CFAP91: variants seen among roughly 807,000 people sequenced by gnomAD.
The protein encoded by CFAP91 is cilia and flagella associated protein 91, also known as cilia- and flagella-associated protein 91.
CFAP91 carries 85 observed loss-of-function variants against 95.9 expected under a neutral mutation model. The ratio of observed to expected loss-of-function variants is 0.89; its 90% CI spans 0.74 to 1.06. The LOEUF (loss-of-function observed/expected upper bound fraction) is 1.06, where lower values mean the gene tolerates loss of function less well. Among genes scored for constraint, CFAP91 ranks in the 50% least tolerant of loss-of-function variants. The probability of loss-of-function intolerance (pLI) is 0.00; values close to 1 mark genes in which losing one functional copy is unlikely to be tolerated. For missense variants in CFAP91, 962 were observed against 943.4 expected (o/e 1.02, Z -0.26); for synonymous variants, 335 against 327.5 (o/e 1.02, Z -0.25).
intron 10 of CFAP91, among the ~76,000 whole-genome samples, chr3:119,735,273 A>G (rs1337896022): frequency 2.0e-5 from 3 of 152,118 alleles, no homozygotes; most frequent in South Asian, 4.2e-4. Context: ...TATTTATTCT[A>G]TATTTCTTTC....
chr3:119,734,365 C>G (rs917848969), intron 10 of CFAP91, among the ~76,000 whole-genome samples: 4 of 152,082 alleles, frequency 2.6e-5, no homozygotes, highest in Non-Finnish European at 5.9e-5. Flanking sequence ...CCCACCTCAT[C>G]CCCACGCCCC....
At chr3:119,760,547 A>G (rs1221482702) in intron 17 of CFAP91, among the ~76,000 whole-genome samples, 2 of 151,866 alleles carry the variant, frequency 1.3e-5, no homozygotes, top group Non-Finnish European at 3.0e-5. Context: ...CCTAACAGAC[A>G]TATATAGAAT....
chr3:119,740,855 G>GTA (rs1182977401), intron 13 of CFAP91, 160 bp downstream of exon 13: 1 of 730,676 alleles, frequency 1.4e-6, no homozygotes, highest in African/African-American at 1.8e-5. Flanking sequence ...GTGTGTGTGT[G>GTA]TGTGTGTGTG....
chr3:119,739,140 A>G, intron 11 of CFAP91, 115 bp from the exon 12 acceptor site: 2 of 794,078 alleles, frequency 2.5e-6, no homozygotes, highest in Non-Finnish European at 4.4e-6. Context: ...TTTCTCTTTA[A>G]ATCTTTTTGG....
In CFAP91 at chr3:119,708,618, A is replaced by G. The variant is rs2053418127; in HGVS notation, c.387A>G (p.Lys129=). The G allele has an allele frequency of 1.2e-6, 2 of 1,607,372 alleles. No homozygotes were observed. The highest frequency in any genetic ancestry group is 2.7e-5 in the African/African-American group (2 of 74,610). ...CTGACGCTTCTTTTCAGATGCCTAA[A>G]GAAGTTTATGAAGATCCTGAAGTTA... is the stretch of plus-strand genomic sequence containing the variant. The part of the protein sequence containing the change: ...TTTDASFQMP[K]EVYEDPEVTG... Residue 129 remains lysine, a synonymous_variant, in exon 4 of 18, where the codon AAA becomes AAG. Transcript: ENST00000273390.
intron 17 of CFAP91, among the ~76,000 whole-genome samples, chr3:119,755,613 C>A (rs2054412431): frequency 2.0e-5 from 3 of 152,162 alleles, no homozygotes; most frequent in African/African-American, 7.2e-5. Context: ...CATGCTGTCA[C>A]CTTGATCTTG....
At chr3:119,726,103 T>G in intron 6 of CFAP91, 68 bp from the exon 7 acceptor site, 1 of 1,340,184 alleles carries the variant, frequency 7.5e-7, no homozygotes, top group Non-Finnish European at 1.0e-6. Context: ...TGACAGGGAG[T>G]TAATTATATA....
chr3:119,726,047 A>G (rs1484452567), intron 6 of CFAP91, 124 bp from the exon 7 acceptor site: 13 of 716,684 alleles, frequency 1.8e-5, no homozygotes, highest in Non-Finnish European at 2.2e-5. Flanking sequence ...CCCTAATGTC[A>G]TGTTATGCTG....
At chr3:119,710,823 G>A (rs1004526243) in intron 5 of CFAP91, among the ~76,000 whole-genome samples, 2 of 152,190 alleles carry the variant, frequency 1.3e-5, no homozygotes, top group African/African-American at 4.8e-5. Context: ...CAAGGTAAGA[G>A]GGAGGTAAGG....
Position 119,739,280 on chromosome 3 carries a change from T to C in CFAP91, c.1487T>C (p.Val496Ala), listed in dbSNP as rs1231249642. 3 of 1,614,172 alleles carry C rather than the reference T, an allele frequency of 1.9e-6. No individual in the cohort carries two copies. The highest frequency in any genetic ancestry group is 3.3e-5 in the Admixed American group (2 of 60,026). ...GAAGAAGAAGAAATGGAAATGGCTG[T>C]GATCTACCTTCAAAAGTTACTCCGG... ...SNEEEEMEMA[V>A]IYLQKLLRGR... The change falls in exon 12 of 18, where the codon GTG becomes GCG. Residue 496 changes from valine (V) to alanine (A), a missense_variant. Physicochemically the swap from Val to Ala is moderately conservative, Grantham distance 64 (BLOSUM62 0). Coordinates refer to ENST00000273390, the MANE Select transcript of CFAP91 (RefSeq NM_033364.4).
intron 17 of CFAP91, 64 bp downstream of exon 17, chr3:119,751,162 T>C: frequency 6.6e-7 from 1 of 1,513,744 alleles, no homozygotes; most frequent in Non-Finnish European, 8.9e-7. Context: ...TTGTTCAGCT[T>C]TGTGCTGTGC....
At position 119,730,363 on chromosome 3, in the gene CFAP91, G is replaced by T; in HGVS notation, c.1004G>T (p.Arg335Leu). 1 of 1,613,920 alleles carries T rather than the reference G, an allele frequency of 6.2e-7. No homozygotes were observed. Among genetic ancestry groups the T allele is most frequent in the South Asian group, 1.1e-5 (1 of 91,054 alleles). Residue 335 changes from arginine (R) to leucine (L), a missense_variant, in exon 8 of 18, where the codon CGC (arginine) becomes CTC (leucine). Coordinates refer to ENST00000273390, the MANE Select transcript of CFAP91 (RefSeq NM_033364.4). The stretch of plus-strand genomic sequence containing the variant: ...GAGGCAAAAATGGCAAAAATTCAGC[G>T]CACGCATGTATCAAGTAATGGTGTA... The part of the protein sequence containing the change: ...GKEAKMAKIQ[R>L]THVSTIRKLV...
intron 2 of CFAP91, chr3:119,707,122 T>G: frequency 1.8e-6 from 1 of 549,952 alleles, no homozygotes; most frequent in Non-Finnish European, 3.2e-6. Context: ...TGGGATAAAT[T>G]TAATAATATA....
chr3:119,738,829 T>C (rs888581052), intron 11 of CFAP91, among the ~76,000 whole-genome samples: 3 of 152,254 alleles, frequency 2.0e-5, no homozygotes, highest in African/African-American at 4.8e-5. Flanking sequence ...TTTATCAGCA[T>C]AGCTAAATTC....
intron 17 of CFAP91, among the ~76,000 whole-genome samples, chr3:119,754,989 C>T (rs76406849): frequency 0.23 from 34,621 of 152,152 alleles, 4,619 homozygotes; most frequent in Non-Finnish European, 0.3. Flanking sequence ...ATCCATCACC[C>T]ATTTTTTTCT....
intron 5 of CFAP91, among the ~76,000 whole-genome samples, chr3:119,710,716 G>C (rs2053457133): frequency 6.6e-6 from 1 of 152,184 alleles, no homozygotes; most frequent in Non-Finnish European, 1.5e-5. Context: ...TTTTTTGAAT[G>C]CTAGAATTTT....
intron 5 of CFAP91, among the ~76,000 whole-genome samples, chr3:119,714,259 G>T (rs935379437): frequency 4.6e-5 from 7 of 151,860 alleles, no homozygotes; most frequent in African/African-American, 1.7e-4. Context: ...CCAGCTACTC[G>T]GAAGGCTGAG....
intron 15 of CFAP91, 35 bp from the exon 16 acceptor site, chr3:119,747,776 C>A: frequency 6.3e-7 from 1 of 1,577,762 alleles, no homozygotes; most frequent in Non-Finnish European, 8.7e-7. Context: ...GTGAAAAAAC[C>A]AAAGAAATAA....
chr3:119,710,146 A>C, intron 5 of CFAP91: 1 of 470,216 alleles, frequency 2.1e-6, no homozygotes, highest in South Asian at 2.9e-5. Flanking sequence ...AGAAAAATAT[A>C]TGCATATGTT....
Sources: allele counts gnomAD v4.1 joint callset (sites outside exome capture counted in the v4.1 genomes callset), GRCh38; gene constraint gnomAD v4.1.1; transcripts MANE v1.5; gene names NCBI Gene and HGNC (gene_info 2026-07-23, HGNC 2026-07-21).